PCDH15: variants seen among roughly 807,000 people sequenced by gnomAD.
PCDH15 encodes the protein protocadherin related 15, also known as protocadherin-15.
In PCDH15, 129 loss-of-function variants were observed where a neutral mutation model predicts 178.5. That is an observed-to-expected ratio of 0.72 (90% CI 0.63 to 0.84). The LOEUF (loss-of-function observed/expected upper bound fraction) is 0.84, where lower values mean the gene tolerates loss of function less well. Among genes scored for constraint, PCDH15 ranks in the 40% least tolerant of loss-of-function variants. The pLI is 0.00. For missense variants in PCDH15, 2,230 were observed against 2,099.9 expected (o/e 1.06, Z -1.21); for synonymous variants, 800 against 732.0 (o/e 1.09, Z -1.50).
chr10:54,762,460 T>C (rs1948007828), intron 1 of PCDH15, among the ~76,000 whole-genome samples: 1 of 152,148 alleles, frequency 6.6e-6, no homozygotes, highest in Non-Finnish European at 1.5e-5. Flanking sequence ...TAAGAGTTGA[T>C]ATTTGTAACT....
intron 2 of PCDH15, among the ~76,000 whole-genome samples, chr10:54,657,837 T>G (rs560121157): frequency 4.6e-5 from 7 of 152,292 alleles, no homozygotes; most frequent in Admixed American, 1.3e-4. Context: ...GTACTTGCAC[T>G]CTAACCATAG....
intron 7 of PCDH15, among the ~76,000 whole-genome samples, chr10:54,323,077 T>C (rs1200220567): frequency 6.6e-6 from 1 of 151,960 alleles, no homozygotes; most frequent in Admixed American, 6.6e-5. Context: ...CTTCTCAAAA[T>C]AAGACATACA....
intron 2 of PCDH15, among the ~76,000 whole-genome samples, chr10:54,999,943 T>C (rs1839759748): frequency 6.6e-6 from 1 of 152,032 alleles, no homozygotes; most frequent in Admixed American, 6.6e-5. Context: ...AATGTATGAA[T>C]AGGGTGTGGG....
At chr10:53,895,538 G>A (rs1652213356) in intron 26 of PCDH15, among the ~76,000 whole-genome samples, 2 of 152,074 alleles carry the variant, frequency 1.3e-5, no homozygotes, top group South Asian at 4.1e-4. Flanking sequence ...TTTTCCATAT[G>A]TGCAACTTGT....
rs142756971 is a variant in PCDH15 at position 55,496,247 on chromosome 10, GA to G, written c.-156+131377del. Among the ~76,000 whole-genome samples, 799 of 150,768 alleles carry G rather than the reference GA, an allele frequency of 5.3e-3. 7 individuals carry two copies. Among genetic ancestry groups the G allele is most frequent in the African/African-American group, 0.017 (687 of 41,142 alleles). ...GAAATCCCATCAACCAGAAGATCATGAAAAAAAAATTCAAAGAAATGTGATC... is the reference window on the plus strand; with the variant it reads ...GAAATCCCATCAACCAGAAGATCATGAAAAAAAATTCAAAGAAATGTGATC... On this transcript the variant is annotated intron_variant, in intron 2 of 5. Coordinates refer to the PCDH15 transcript ENST00000613346.
chr10:54,068,611 A>G (rs796647221), intron 17 of PCDH15, among the ~76,000 whole-genome samples: 1 of 152,296 alleles, frequency 6.6e-6, no homozygotes, highest in African/African-American at 2.4e-5. Context: ...AACACATACT[A>G]TATGATTCCA....
chr10:55,106,654 G>A (rs549639279), intron 2 of PCDH15, among the ~76,000 whole-genome samples: 16 of 152,204 alleles, frequency 1.1e-4, no homozygotes, highest in Middle Eastern at 3.4e-3. Context: ...GACCTCAGGT[G>A]ATCCACCCAC....
Position 54,685,642 on chromosome 10 carries a change from A to G in PCDH15, c.-28-21352T>C, listed in dbSNP as rs141642201. Among the ~76,000 whole-genome samples the G allele has an allele frequency of 5.8e-3, 884 of 152,316 alleles. 5 individuals carry two copies. The highest frequency in any genetic ancestry group is 0.011 in the South Asian group (51 of 4,828). On this transcript the variant is annotated intron_variant, in intron 1 of 37. Transcript: ENST00000644397. The stretch of plus-strand genomic sequence containing the variant: ...GCTCATCAAATTACAATGAGGATAC[A>G]TCCTGTTAAAATCATTGAAGTCAAA...
intron 29 of PCDH15, among the ~76,000 whole-genome samples, chr10:53,834,215 G>A (rs895739656): frequency 2.0e-5 from 3 of 152,122 alleles, no homozygotes; most frequent in African/African-American, 7.2e-5. Flanking sequence ...ATTCTCACGA[G>A]AGAAAGTGGA....
At chr10:55,532,269 T>G (rs149622305) in intron 2 of PCDH15, among the ~76,000 whole-genome samples, 65 of 152,152 alleles carry the variant, frequency 4.3e-4, no homozygotes, top group Non-Finnish European at 8.1e-4. Flanking sequence ...CTGCTCATGT[T>G]GACTAAACTA....
At chr10:55,074,134 C>T (rs1841822356) in intron 2 of PCDH15, among the ~76,000 whole-genome samples, 1 of 152,046 alleles carries the variant, frequency 6.6e-6, no homozygotes, top group Non-Finnish European at 1.5e-5. Flanking sequence ...TGGGTTGATT[C>T]CATGTCTTCG....
At chr10:55,388,403 G>A (rs1250502426) in intron 2 of PCDH15, among the ~76,000 whole-genome samples, 2 of 151,826 alleles carry the variant, frequency 1.3e-5, no homozygotes, top group Non-Finnish European at 2.9e-5. Flanking sequence ...GAATCCTGTT[G>A]ACTTGCCACT....
chr10:54,756,844 A>C (rs1431679833), intron 1 of PCDH15, among the ~76,000 whole-genome samples: 1 of 152,186 alleles, frequency 6.6e-6, no homozygotes, highest in African/African-American at 2.4e-5. Context: ...AATTCTCGGC[A>C]CTTTAACTGT....
intron 26 of PCDH15, among the ~76,000 whole-genome samples, chr10:53,892,981 AGAT>A (rs1226644147): frequency 2.0e-5 from 3 of 152,344 alleles, no homozygotes; most frequent in East Asian, 3.9e-4. Context: ...TTGAAAGAAA[AGAT>A]GATAGAGAGT....
At chr10:54,394,273 C>T (rs61855501) in intron 3 of PCDH15, among the ~76,000 whole-genome samples, 11,930 of 151,900 alleles carry the variant, frequency 0.079, 587 homozygotes, top group Admixed American at 0.14. Context: ...AGAAGATACA[C>T]GTAAATAAAA....
Position 54,719,989 on chromosome 10 carries a change from A to C in PCDH15, c.-28-55699T>G, listed in dbSNP as rs2132486990. Among the ~76,000 whole-genome samples the C allele has an allele frequency of 2.0e-5, 3 of 152,162 alleles. 1 individual carries two copies. The East Asian group carries it at 5.8e-4, about 29-fold the overall frequency. Reference sequence around the variant, plus strand: ...GTAAATAGTGTAAATCAAAACCACAATGAGATACCATCTCACACCAGTCAG... The same window carrying C: ...GTAAATAGTGTAAATCAAAACCACACTGAGATACCATCTCACACCAGTCAG... On this transcript the variant is annotated intron_variant, in intron 1 of 37. Transcript: ENST00000644397.
At chr10:54,168,011 G>C (rs2046446530) in intron 13 of PCDH15, among the ~76,000 whole-genome samples, 1 of 151,216 alleles carries the variant, frequency 6.6e-6, no homozygotes, top group Non-Finnish European at 1.5e-5. Context: ...CTTGACTATA[G>C]GCAACCTTCC....
chr10:54,554,718 C>A (rs1345958155), intron 2 of PCDH15, among the ~76,000 whole-genome samples: 1 of 151,966 alleles, frequency 6.6e-6, no homozygotes, highest in African/African-American at 2.4e-5. Flanking sequence ...AGGACCTAAA[C>A]CCTCTCATCA....
chr10:54,734,612 T>A (rs920168072), intron 1 of PCDH15, among the ~76,000 whole-genome samples: 4 of 152,058 alleles, frequency 2.6e-5, no homozygotes, highest in Non-Finnish European at 1.5e-5. Context: ...AATGGCTATA[T>A]TGCCCTTATT....
Sources: gnomAD v4.1 joint callset for allele counts (sites outside exome capture counted in the v4.1 genomes callset) on GRCh38, gnomAD v4.1.1 for gene constraint, MANE v1.5 for transcripts, NCBI Gene and HGNC (gene_info 2026-07-23, HGNC 2026-07-21) for gene names.